Variants in ZNF385D observed in about 807,000 individuals in gnomAD.
ZNF385D encodes the protein zinc finger protein 385D.
Under a neutral mutation model 35.8 loss-of-function variants are expected in ZNF385D, and 15 were observed. That is an observed-to-expected ratio of 0.42 (90% CI 0.28 to 0.64). The LOEUF is 0.64. Ranked by LOEUF, ZNF385D falls within the 30% of genes least tolerant of loss-of-function variation. The pLI, the probability that ZNF385D is intolerant of heterozygous loss-of-function variation, is 0.23. For synonymous variants in ZNF385D, 212 were observed against 186.8 expected, an observed-to-expected ratio of 1.13 and a Z score of -1.10; for missense variants, 474 against 494.6, an observed-to-expected ratio of 0.96 and a Z score of 0.39.
At chr3:22,173,633 T>C (rs535398043) in intron 2 of ZNF385D, among the ~76,000 whole-genome samples, 1 of 152,290 alleles carries the variant, frequency 6.6e-6, no homozygotes, top group Admixed American at 6.5e-5. Context: ...ACGGTAGAAA[T>C]AAATTATGTG....
At chr3:21,625,855 A>C (rs1220056145) in intron 2 of ZNF385D, among the ~76,000 whole-genome samples, 1 of 152,142 alleles carries the variant, frequency 6.6e-6, no homozygotes, top group African/African-American at 2.4e-5. Context: ...AGAAAGTTCT[A>C]TTAGTCAGTG....
intron 3 of ZNF385D, among the ~76,000 whole-genome samples, chr3:21,814,066 T>A (rs925148113): frequency 2.0e-5 from 3 of 152,116 alleles, no homozygotes; most frequent in African/African-American, 7.2e-5. Flanking sequence ...TTAAAAAGAA[T>A]TTTCAACCCA....
rs61226426 is a variant in ZNF385D at position 21,757,120 on chromosome 3, C to CTTTTTTTTTTTTTT, written c.326-92106_326-92093dup. 7.2e-3 allele frequency among the ~76,000 whole-genome samples: 761 copies of CTTTTTTTTTTTTTT among 106,278 alleles called. 36 individuals are homozygous for CTTTTTTTTTTTTTT. The highest frequency in any genetic ancestry group is 0.022 in the African/African-American group (600 of 27,792). 69.7% of individuals were successfully genotyped at this position (106,278 alleles called of 152,430 possible). A position where few individuals can be genotyped will look rare whatever the true frequency, so the allele number is the denominator to read the frequency against. On this transcript the variant is annotated intron_variant, in intron 3 of 5. Coordinates refer to the ZNF385D transcript ENST00000494108. ...CTTTGGAGACATATGATAAATTTCTCTTTTTTTTTTTTTTTTTTTGTTTTC... is the reference window on the plus strand; with the variant it reads ...CTTTGGAGACATATGATAAATTTCTCTTTTTTTTTTTTTTTTTTTTTTTTTTTTTTTTTGTTTTC...
chr3:21,595,631 T>C (rs1484037043), intron 2 of ZNF385D, among the ~76,000 whole-genome samples: 1 of 152,112 alleles, frequency 6.6e-6, no homozygotes, highest in Non-Finnish European at 1.5e-5. Context: ...TTTACTATTT[T>C]TTAATTTTTC....
chr3:21,887,262 TC>T (rs1446500761), intron 3 of ZNF385D, among the ~76,000 whole-genome samples: 1 of 152,210 alleles, frequency 6.6e-6, no homozygotes, highest in Non-Finnish European at 1.5e-5. Context: ...ATAGTTTGTT[TC>T]TAAGTATGCC....
At chr3:22,123,704 T>G (rs1703232912) in intron 3 of ZNF385D, among the ~76,000 whole-genome samples, 1 of 151,736 alleles carries the variant, frequency 6.6e-6, no homozygotes, top group Admixed American at 6.6e-5. Context: ...TACTAAAAAG[T>G]ACAAAAATTA....
At chr3:21,978,985 G>C (rs1041929682) in intron 3 of ZNF385D, among the ~76,000 whole-genome samples, 1 of 152,034 alleles carries the variant, frequency 6.6e-6, no homozygotes, top group African/African-American at 2.4e-5. Flanking sequence ...AAGCTTATTT[G>C]CTCAGTATGC....
At chr3:22,031,444 C>G (rs1205863456) in intron 3 of ZNF385D, among the ~76,000 whole-genome samples, 1 of 152,202 alleles carries the variant, frequency 6.6e-6, no homozygotes, top group East Asian at 1.9e-4. Flanking sequence ...AGACCCAACA[C>G]CATGTGGAAG....
intron 3 of ZNF385D, among the ~76,000 whole-genome samples, chr3:21,564,196 T>G (rs982952519): frequency 6.6e-6 from 1 of 152,160 alleles, no homozygotes; most frequent in Non-Finnish European, 1.5e-5. Flanking sequence ...AATCTTGATC[T>G]TAAAATATGA....
chr3:21,973,104 C>G (rs966830410), intron 3 of ZNF385D, among the ~76,000 whole-genome samples: 1 of 151,736 alleles, frequency 6.6e-6, no homozygotes, highest in African/African-American at 2.4e-5. Context: ...CCAGAAAACA[C>G]CTCAAAGAAA....
At chr3:21,896,743 C>T (rs1699159051) in intron 3 of ZNF385D, among the ~76,000 whole-genome samples, 1 of 151,786 alleles carries the variant, frequency 6.6e-6, no homozygotes, top group African/African-American at 2.4e-5. Flanking sequence ...GGGAAGGGCT[C>T]ATGATATGAT....
At chr3:22,287,055 T>C (rs1702061400) in intron 2 of ZNF385D, among the ~76,000 whole-genome samples, 1 of 152,100 alleles carries the variant, frequency 6.6e-6, no homozygotes, top group Non-Finnish European at 1.5e-5. Context: ...TTATGTGCTC[T>C]GATGTTGGGT....
chr3:22,066,007 A>G (rs1699930959), intron 3 of ZNF385D, among the ~76,000 whole-genome samples: 1 of 152,146 alleles, frequency 6.6e-6, no homozygotes, highest in Non-Finnish European at 1.5e-5. Context: ...GAAAGTGAAA[A>G]TTATCAAAAA....
chr3:22,041,934 T>C (rs1381437611), intron 3 of ZNF385D, among the ~76,000 whole-genome samples: 3 of 152,154 alleles, frequency 2.0e-5, no homozygotes, highest in Non-Finnish European at 4.4e-5. Flanking sequence ...AGTAGATTTA[T>C]ACAAAGCAAT....
intron 3 of ZNF385D, among the ~76,000 whole-genome samples, chr3:21,819,445 T>A (rs528428774): frequency 6.0e-5 from 9 of 148,976 alleles, no homozygotes; most frequent in Non-Finnish European, 1.2e-4. Flanking sequence ...AAAACCTGAC[T>A]ATTACAAAAA....
chr3:21,647,596 C>A (rs1250351899), intron 2 of ZNF385D, among the ~76,000 whole-genome samples: 1 of 152,058 alleles, frequency 6.6e-6, no homozygotes, highest in Non-Finnish European at 1.5e-5. Flanking sequence ...CAGTTGAATC[C>A]CTAAAATAAT....
intron 3 of ZNF385D, among the ~76,000 whole-genome samples, chr3:21,853,034 A>G (rs2125813904): frequency 9.2e-6 from 1 of 108,474 alleles, no homozygotes; most frequent in South Asian, 3.7e-4. Flanking sequence ...CATGTAGTAA[A>G]AGCCAATTAA....
At chr3:21,955,313 G>C (rs1302213578) in intron 3 of ZNF385D, among the ~76,000 whole-genome samples, 3 of 152,048 alleles carry the variant, frequency 2.0e-5, no homozygotes, top group Non-Finnish European at 2.9e-5. Flanking sequence ...TTCTTGTAGG[G>C]AGTGGGGACA....
At chr3:21,775,797 A>C (rs2071264548) in intron 3 of ZNF385D, among the ~76,000 whole-genome samples, 1 of 151,896 alleles carries the variant, frequency 6.6e-6, no homozygotes, top group Non-Finnish European at 1.5e-5. Flanking sequence ...TCTGAGCTAT[A>C]GTTAGTACAC....
Sources: gnomAD v4.1 joint callset for allele counts (sites outside exome capture counted in the v4.1 genomes callset) on GRCh38, gnomAD v4.1.1 for gene constraint, MANE v1.5 for transcripts, NCBI Gene and HGNC (gene_info 2026-07-23, HGNC 2026-07-21) for gene names.